CYP19A1: variants seen among roughly 807,000 people sequenced by gnomAD.
The protein encoded by CYP19A1 is aromatase.
Under a neutral mutation model 44.4 loss-of-function variants are expected in CYP19A1, and 32 were observed. The ratio of observed to expected loss-of-function variants is 0.72; its 90% CI spans 0.54 to 0.97. The LOEUF is 0.97. CYP19A1 is among the 50% of genes least tolerant of loss of function. The probability of loss-of-function intolerance (pLI) is 0.00; values close to 1 mark genes in which losing one functional copy is unlikely to be tolerated. For synonymous variants in CYP19A1, 212 were observed against 215.6 expected (o/e 0.98, Z 0.14); for missense variants, 598 against 637.8 (o/e 0.94, Z 0.67).
chr15:51,304,493 C>T (rs184101239), intron 1 of CYP19A1, among the ~76,000 whole-genome samples: 2 of 152,292 alleles, frequency 1.3e-5, no homozygotes, highest in African/African-American at 4.8e-5. Flanking sequence ...TTTTTTCCAA[C>T]CCAAGCCCAC....
intron 9 of CYP19A1, chr15:51,211,634 C>T: frequency 2.3e-6 from 1 of 429,952 alleles, no homozygotes; most frequent in South Asian, 1.7e-5. Context: ...CGTGTAGAAA[C>T]AAAATGAATT....
chr15:51,332,430 T>C (rs553934089), intron 1 of CYP19A1, among the ~76,000 whole-genome samples: 2 of 152,338 alleles, frequency 1.3e-5, no homozygotes, highest in African/African-American at 4.8e-5. Context: ...TTCCAGGCTA[T>C]TGTTAACATT....
Position 51,210,701 on chromosome 15 carries a change from G to A in CYP19A1, c.*107C>T, listed in dbSNP as rs914440148. The A allele has an allele frequency of 7.3e-6, 6 of 823,352 alleles. No homozygotes were observed. Among genetic ancestry groups the A allele is most frequent in the Non-Finnish European group, 1.3e-5 (6 of 461,010 alleles). The allele number at this position is 823,352 out of a possible 1,614,324, so 51.0% of individuals were successfully genotyped here. Reference sequence around the variant, plus strand: ...AGGAGGTATGCCTATAAAATGCCATGGGCCACTGAGTGTTCACTGTGAGGA... The same window carrying A: ...AGGAGGTATGCCTATAAAATGCCATAGGCCACTGAGTGTTCACTGTGAGGA... On this transcript the variant is annotated 3_prime_UTR_variant, in exon 10 of 10. Transcript: ENST00000396402.
At chr15:51,276,792 T>G (rs1375169617) in intron 1 of CYP19A1, among the ~76,000 whole-genome samples, 1 of 152,222 alleles carries the variant, frequency 6.6e-6, no homozygotes, top group Admixed American at 6.5e-5. Context: ...GAAATACAAG[T>G]CATAAGCAGC....
Position 51,318,767 on chromosome 15 carries a change from A to T in CYP19A1, c.-39+19728T>A, listed in dbSNP as rs1305435670. Reference sequence around the variant, plus strand: ...TGGCTGTCATGGTTAGAATGCATTCATTATGAATCGAGCTGACATTCTTTC... The same window carrying T: ...TGGCTGTCATGGTTAGAATGCATTCTTTATGAATCGAGCTGACATTCTTTC... On this transcript the variant is annotated intron_variant, in intron 1 of 9. Transcript: ENST00000396402. 2.6e-5 allele frequency: 4 copies of T among 152,226 alleles called. 1 individual carries two copies. The highest frequency in any genetic ancestry group is 9.6e-5 in the African/African-American group (4 of 41,462). The allele number at this position is 152,226 out of a possible 1,614,324, so 9.4% of individuals were successfully genotyped here. A position where few individuals can be genotyped will look rare whatever the true frequency, so the allele number is the denominator to read the frequency against.
At chr15:51,236,394 G>A (rs765980879) in intron 3 of CYP19A1, among the ~76,000 whole-genome samples, 1 of 152,140 alleles carries the variant, frequency 6.6e-6, no homozygotes, top group Non-Finnish European at 1.5e-5. Flanking sequence ...TTAAAAGACA[G>A]GGTCTTACTC....
chr15:51,246,083 G>T (rs17523270), intron 1 of CYP19A1, among the ~76,000 whole-genome samples: 54,937 of 152,108 alleles, frequency 0.36, 11,522 homozygotes, highest in Non-Finnish European at 0.47. Context: ...AGCTGGAAAG[G>T]TCCTTTGAGA....
chr15:51,211,263 A>G (rs532720039), intron 9 of CYP19A1, among the ~76,000 whole-genome samples: 5 of 152,350 alleles, frequency 3.3e-5, no homozygotes, highest in South Asian at 4.1e-4. Flanking sequence ...ACCCAACCTC[A>G]GAGAGTCCCC....
intron 1 of CYP19A1, among the ~76,000 whole-genome samples, chr15:51,313,740 T>C (rs2036363540): frequency 6.6e-6 from 1 of 152,052 alleles, no homozygotes; most frequent in Non-Finnish European, 1.5e-5. Flanking sequence ...GAGGTTGCAG[T>C]GAGCTGAGAT....
At chr15:51,250,820 A>G (rs908934593) in intron 1 of CYP19A1, among the ~76,000 whole-genome samples, 5 of 152,192 alleles carry the variant, frequency 3.3e-5, no homozygotes, top group African/African-American at 1.2e-4. Context: ...GAGGTTTCCC[A>G]TGACTTCACT....
At chr15:51,297,982 A>G (rs1370257138) in intron 1 of CYP19A1, among the ~76,000 whole-genome samples, 1 of 152,104 alleles carries the variant, frequency 6.6e-6, no homozygotes, top group Non-Finnish European at 1.5e-5. Flanking sequence ...GGGAAGATGT[A>G]GGAAGGCTTC....
chr15:51,262,999 G>C (rs905322592), intron 1 of CYP19A1, among the ~76,000 whole-genome samples: 4 of 152,196 alleles, frequency 2.6e-5, no homozygotes, highest in African/African-American at 9.6e-5. Flanking sequence ...TTTCAAGAAA[G>C]ATTAAACCAG....
chr15:51,306,312 A>G (rs2036214744), intron 1 of CYP19A1, among the ~76,000 whole-genome samples: 2 of 152,186 alleles, frequency 1.3e-5, no homozygotes, highest in South Asian at 4.1e-4. Flanking sequence ...AAGCACAGCC[A>G]GTTTATTTTT....
At chr15:51,323,238 A>C (rs1388717074) in intron 1 of CYP19A1, among the ~76,000 whole-genome samples, 1 of 152,152 alleles carries the variant, frequency 6.6e-6, no homozygotes, top group Non-Finnish European at 1.5e-5. Context: ...GCCTTTCTCC[A>C]GCCCTCTCTC....
chr15:51,324,470 C>T (rs1322694555), intron 1 of CYP19A1, among the ~76,000 whole-genome samples: 1 of 152,216 alleles, frequency 6.6e-6, no homozygotes, highest in Non-Finnish European at 1.5e-5. Flanking sequence ...ACTGATTGAG[C>T]CCCACTCTGA....
chr15:51,252,004 C>G (rs922694099), intron 1 of CYP19A1, among the ~76,000 whole-genome samples: 3 of 152,170 alleles, frequency 2.0e-5, no homozygotes, highest in African/African-American at 7.2e-5. Context: ...TTTGTCTTAG[C>G]TGCCCCTCCC....
intron 9 of CYP19A1, among the ~76,000 whole-genome samples, chr15:51,211,429 G>A (rs1595664084): frequency 6.6e-6 from 1 of 152,204 alleles, no homozygotes; most frequent in Admixed American, 6.5e-5. Flanking sequence ...CACCATATAA[G>A]AGATAAAGGC....
chr15:51,246,941 C>G (rs1394567040), intron 1 of CYP19A1, among the ~76,000 whole-genome samples: 1 of 152,162 alleles, frequency 6.6e-6, no homozygotes, highest in Non-Finnish European at 1.5e-5. Flanking sequence ...CTATCCATTT[C>G]CTCATCTCCT....
At chr15:51,232,398 T>C (rs2033100013) in intron 3 of CYP19A1, among the ~76,000 whole-genome samples, 1 of 152,176 alleles carries the variant, frequency 6.6e-6, no homozygotes, top group Non-Finnish European at 1.5e-5. Context: ...ACTTTCCTGG[T>C]TTTCTCTTCT....
Sources: gnomAD v4.1 joint callset for allele counts (sites outside exome capture counted in the v4.1 genomes callset) on GRCh38, gnomAD v4.1.1 for gene constraint, MANE v1.5 for transcripts, NCBI Gene and HGNC (gene_info 2026-07-23, HGNC 2026-07-21) for gene names.